The following SOD2 variants were observed in gnomAD, a reference collection of about 807,000 sequenced individuals.
SOD2 encodes the protein superoxide dismutase [Mn], mitochondrial.
In SOD2, 11 loss-of-function variants were observed where a neutral mutation model predicts 27.0. The ratio of observed to expected loss-of-function variants is 0.41; its 90% CI spans 0.26 to 0.67. The LOEUF is 0.67. SOD2 is among the 30% of genes least tolerant of loss of function. The probability of loss-of-function intolerance (pLI) is 0.34; values close to 1 mark genes in which losing one functional copy is unlikely to be tolerated. For missense variants in SOD2, 250 were observed against 274.5 expected (o/e 0.91, Z 0.63); for synonymous variants, 105 against 103.0 (o/e 1.02, Z -0.12).
chr6:159,728,761 G>C (rs748108863), upstream of SOD2, among the ~76,000 whole-genome samples: 31 of 152,234 alleles, frequency 2.0e-4, 1 homozygote, highest in Non-Finnish European at 7.3e-5. Flanking sequence ...AAGCTGGCTT[G>C]TGATAAGGTT....
intron 1 of SOD2, among the ~76,000 whole-genome samples, chr6:159,754,391 C>G (rs151060844): frequency 3.9e-4 from 59 of 152,248 alleles, no homozygotes; most frequent in African/African-American, 1.4e-3. Flanking sequence ...TGCTATGGAA[C>G]TAAGGCACTG....
chr6:159,716,703 C>T (rs917997852), intron 1 of SOD2, among the ~76,000 whole-genome samples: 3 of 152,116 alleles, frequency 2.0e-5, no homozygotes, highest in Non-Finnish European at 4.4e-5. Context: ...TCAGCTGTCA[C>T]ATATACAGAG....
chr6:159,688,024 A>C, intron 3 of SOD2, 102 bp downstream of exon 3: 2 of 755,060 alleles, frequency 2.6e-6, no homozygotes, highest in South Asian at 1.6e-5. Context: ...AAAAAACAAC[A>C]ACAAAAAAAA....
In SOD2 at chr6:159,675,284, T is replaced by G. The variant is rs930267436; in HGVS notation, c.*7209A>C. ...TGTGGAACCAAAAAAGAGCCTGCAC[T>G]GCCAAAACGATCCTAAGCCAAAAGA... On this transcript the variant is annotated 3_prime_UTR_variant, in exon 5 of 5. Coordinates refer to ENST00000538183, the MANE Select transcript of SOD2 (RefSeq NM_000636.4). 7.9e-5 allele frequency: 12 copies of G among 152,156 alleles called. No individual in the cohort carries two copies. The highest frequency in any genetic ancestry group is 2.9e-4 in the African/African-American group (12 of 41,430). The allele number at this position is 152,156 out of a possible 1,614,324, so 9.4% of individuals were successfully genotyped here. A position where few individuals can be genotyped will look rare whatever the true frequency, so the allele number is the denominator to read the frequency against.
intron 1 of SOD2, among the ~76,000 whole-genome samples, chr6:159,744,632 C>T (rs983970022): frequency 7.2e-5 from 11 of 152,200 alleles, no homozygotes; most frequent in African/African-American, 2.7e-4. Context: ...CGTATTTACT[C>T]TTCTTTCACT....
intron 1 of SOD2, chr6:159,725,504 A>G (rs1778140027): frequency 6.6e-6 from 1 of 151,290 alleles, no homozygotes; most frequent in Admixed American, 6.6e-5. Context: ...AACCCAAAGA[A>G]TAATTATTTT....
Position 159,693,200 on chromosome 6 carries a change from C to T in SOD2, c.-33G>A. 1.3e-6 allele frequency: 2 copies of T among 1,516,448 alleles called. No individual in the cohort carries two copies. The highest frequency in any genetic ancestry group is 2.1e-5 in the Admixed American group (1 of 47,924). 93.9% of individuals were successfully genotyped at this position (1,516,448 alleles called of 1,614,324 possible). A position where few individuals can be genotyped will look rare whatever the true frequency, so the allele number is the denominator to read the frequency against. On this transcript the variant is annotated 5_prime_UTR_variant, in exon 1 of 5. Transcript: ENST00000538183. The stretch of plus-strand genomic sequence containing the variant: ...GTGCTGGTGCTACCGCTGATGCCGC[C>T]GATCTGCTGAAGCCGCTGCCGAAGC...
chr6:159,704,271 A>C (rs964825646), intron 1 of SOD2, among the ~76,000 whole-genome samples: 2 of 152,166 alleles, frequency 1.3e-5, no homozygotes, highest in Non-Finnish European at 2.9e-5. Context: ...CTTGTCAGAC[A>C]GTGGGTGGAG....
chr6:159,727,116 C>G (rs1778215226), intron 1 of SOD2: 2 of 1,194,124 alleles, frequency 1.7e-6, no homozygotes, highest in Admixed American at 7.0e-5. Context: ...CTCCCCTCGG[C>G]CGCTTCCCTT....
At position 159,672,107 on chromosome 6, in the gene SOD2, T is replaced by A. The variant is rs1004465088; in HGVS notation, c.*10386A>T. 6.6e-6 allele frequency: 1 copy of A among 152,166 alleles called. No homozygotes were observed. Among genetic ancestry groups the A allele is most frequent in the African/African-American group, 2.4e-5 (1 of 41,438 alleles). 9.4% of individuals were successfully genotyped at this position (152,166 alleles called of 1,614,324 possible). ...TGGGACTATGTGAAAAGACCAAATCTACGTCTGATTGGTGTACCTGAAAGT... is the reference window on the plus strand; with the variant it reads ...TGGGACTATGTGAAAAGACCAAATCAACGTCTGATTGGTGTACCTGAAAGT... On this transcript the variant is annotated 3_prime_UTR_variant, in exon 5 of 5. Coordinates refer to ENST00000538183, the MANE Select transcript of SOD2 (RefSeq NM_000636.4).
chr6:159,718,984 T>C (rs1258283117), intron 1 of SOD2, among the ~76,000 whole-genome samples: 1 of 151,720 alleles, frequency 6.6e-6, no homozygotes. Flanking sequence ...CCAGGATCCC[T>C]GGATTTCTGG....
chr6:159,748,533 C>T, upstream of SOD2: 1 of 1,388,562 alleles, frequency 7.2e-7, no homozygotes. This position sits in a 1 kb window ranked among gnomAD's most constrained non-coding sequence, Gnocchi z 5.6. Context: ...TAATGTAAAA[C>T]TTACCAGATG....
At chr6:159,685,828 A>T (rs1780163483) in intron 3 of SOD2, among the ~76,000 whole-genome samples, 1 of 152,204 alleles carries the variant, frequency 6.6e-6, no homozygotes, top group African/African-American at 2.4e-5. Context: ...AATGGCCTCC[A>T]GCTGCGTAGT....
intron 1 of SOD2, among the ~76,000 whole-genome samples, chr6:159,712,054 CATA>C (rs1562438058): frequency 2.9e-5 from 1 of 34,050 alleles, no homozygotes; most frequent in African/African-American, 8.9e-5. Context: ...TAACCACCTC[CATA>C]ACCACCACTC....
chr6:159,745,730 C>T (rs1450236245), upstream of SOD2, among the ~76,000 whole-genome samples: 4 of 152,172 alleles, frequency 2.6e-5, no homozygotes, highest in Non-Finnish European at 5.9e-5. Flanking sequence ...TTAGGTAGAT[C>T]ACTCTGACTT....
chr6:159,719,798 A>G (rs963871371), intron 1 of SOD2, among the ~76,000 whole-genome samples: 26 of 148,914 alleles, frequency 1.7e-4, no homozygotes, highest in African/African-American at 6.4e-4. Context: ...ATCTTGGCTC[A>G]CTGCAACCTC....
At chr6:159,749,079 A>G (rs1248305538), upstream of SOD2, 1 of 988,086 alleles carries the variant, frequency 1.0e-6, no homozygotes, top group East Asian at 1.1e-4. Flanking sequence ...AGCCTTAATC[A>G]ATGTGGTTTT....
rs1779700574 is a variant in SOD2 at position 159,672,933 on chromosome 6, G to T, written c.*9560C>A. Reference sequence around the variant, plus strand: ...CAAGCAAACGGAAAACAAAAAAAAAGGCCGGGGTTGCAATCCTAGTCTCTG... The same window carrying T: ...CAAGCAAACGGAAAACAAAAAAAAATGCCGGGGTTGCAATCCTAGTCTCTG... On this transcript the variant is annotated 3_prime_UTR_variant, in exon 5 of 5. Transcript: ENST00000538183. 1 of 151,880 alleles carries T rather than the reference G, an allele frequency of 6.6e-6. No homozygotes were observed. Among genetic ancestry groups the T allele is most frequent in the African/African-American group, 2.4e-5 (1 of 41,298 alleles). 9.4% of individuals were successfully genotyped at this position (151,880 alleles called of 1,614,324 possible). A position where few individuals can be genotyped will look rare whatever the true frequency, so the allele number is the denominator to read the frequency against.
rs576712460 is a variant in SOD2, at chr6:159,712,199, C to G, written c.-116+14930G>C. On this transcript the variant is annotated intron_variant, in intron 1 of 2. Coordinates refer to the SOD2 transcript ENST00000401980. ...CTCCACAACCACCACCCACATTGCTCTGATCACCATAACCACCTCCATAAC... is the reference window on the plus strand; with the variant it reads ...CTCCACAACCACCACCCACATTGCTGTGATCACCATAACCACCTCCATAAC... Among the ~76,000 whole-genome samples the G allele has an allele frequency of 3.9e-3, 478 of 122,688 alleles. 86 individuals are homozygous for G. The highest frequency in any genetic ancestry group is 6.5e-3 in the Non-Finnish European group (360 of 55,062). 80.5% of individuals were successfully genotyped at this position (122,688 alleles called of 152,430 possible). A position where few individuals can be genotyped will look rare whatever the true frequency, so the allele number is the denominator to read the frequency against.
Sources: allele counts gnomAD v4.1 joint callset (sites outside exome capture counted in the v4.1 genomes callset), GRCh38; gene constraint gnomAD v4.1.1; non-coding constraint Gnocchi (gnomAD v3.1); transcripts MANE v1.5; gene names NCBI Gene and HGNC (gene_info 2026-07-23, HGNC 2026-07-21).